The following MBTPS2 variants were observed in gnomAD, a reference collection of about 807,000 sequenced individuals.
MBTPS2 encodes the protein membrane-bound transcription factor site-2 protease.
Under a neutral mutation model 35.4 loss-of-function variants are expected in MBTPS2, and 2 were observed. The observed-to-expected ratio is 0.06, with a 90% confidence interval of 0.02 to 0.18. The LOEUF is 0.18. Ranked by LOEUF, MBTPS2 falls within the 10% of genes least tolerant of loss-of-function variation. The pLI is 1.00. For synonymous variants in MBTPS2, 125 were observed against 140.4 expected (o/e 0.89, Z 0.77); for missense variants, 244 against 386.5 (o/e 0.63, Z 3.09).
At chrX:21,878,215 T>A (rs2092955199) in intron 8 of MBTPS2, 79 bp downstream of exon 8, 1 of 658,822 alleles carries the variant, frequency 1.5e-6, no homozygotes, top group African/African-American at 2.2e-5. Context: ...ATGGAATCTA[T>A]GGAAACTTCT....
chrX:21,862,909 A>AACATAT (rs2092933713), intron 5 of MBTPS2, among the ~76,000 whole-genome samples: 5 of 54,204 alleles, frequency 9.2e-5, no homozygotes, highest in East Asian at 8.5e-4. Flanking sequence ...AACATATATA[A>AACATAT]ATATATAAAC....
intron 1 of MBTPS2, 114 bp downstream of exon 1, chrX:21,839,923 C>T: frequency 2.8e-6 from 2 of 723,917 alleles, no homozygotes; most frequent in Non-Finnish European, 4.2e-6. Context: ...CCACGTGCGA[C>T]AGTCCGCGTG....
chrX:21,850,880 C>T (rs1464183035), intron 3 of MBTPS2, among the ~76,000 whole-genome samples: 2 of 111,521 alleles, frequency 1.8e-5, no homozygotes, highest in Non-Finnish European at 3.8e-5. Context: ...ATCTCTTCCA[C>T]ACTATTTTTC....
intron 5 of MBTPS2, among the ~76,000 whole-genome samples, chrX:21,862,931 A>ATAT (rs1569325758): frequency 6.5e-4 from 9 of 13,803 alleles, no homozygotes; most frequent in Admixed American, 3.0e-3. Context: ...TATATATATA[A>ATAT]ACATATATAT....
At chrX:21,851,465 T>A in intron 3 of MBTPS2, 44 bp from the exon 4 acceptor site, 1 of 828,335 alleles carries the variant, frequency 1.2e-6, no homozygotes, top group Non-Finnish European at 1.8e-6. Flanking sequence ...GGGACTCCCC[T>A]GCACCCCCAC....
rs2092963216 is a variant in MBTPS2, at chrX:21,885,049, C to T, written c.*2394C>T. Reference sequence around the variant, plus strand: ...AAACTTTATTCTCAGTGTTCCTACTCTGCATTGTTTACATTTTTGACAGTT... The same window carrying T: ...AAACTTTATTCTCAGTGTTCCTACTTTGCATTGTTTACATTTTTGACAGTT... On this transcript the variant is annotated 3_prime_UTR_variant, in exon 11 of 11. Coordinates refer to ENST00000379484, the MANE Select transcript of MBTPS2 (RefSeq NM_015884.4). 1 of 751,146 alleles carries T rather than the reference C, an allele frequency of 1.3e-6. No homozygotes were observed. Among genetic ancestry groups the T allele is most frequent in the African/African-American group, 2.3e-5 (1 of 43,120 alleles). 61.9% of individuals were successfully genotyped at this position (751,146 alleles called of 1,213,427 possible). A position where few individuals can be genotyped will look rare whatever the true frequency, so the allele number is the denominator to read the frequency against.
intron 3 of MBTPS2, among the ~76,000 whole-genome samples, chrX:21,846,598 G>A (rs1024284824): frequency 3.6e-5 from 4 of 111,934 alleles, no homozygotes; most frequent in African/African-American, 1.3e-4. Flanking sequence ...TTGAACTTCC[G>A]ACCTCAGATG....
chrX:21,842,473 G>T (rs1383782329), intron 1 of MBTPS2, among the ~76,000 whole-genome samples: 2 of 109,217 alleles, frequency 1.8e-5, no homozygotes, highest in Non-Finnish European at 3.8e-5. Context: ...TTCTGGACCA[G>T]TGCTGTCCAA....
intron 7 of MBTPS2, among the ~76,000 whole-genome samples, chrX:21,875,428 G>T (rs1419383774): frequency 9.0e-6 from 1 of 111,485 alleles, no homozygotes; most frequent in Non-Finnish European, 1.9e-5. Context: ...TGTTTTTTCT[G>T]CATATGATCC....
At chrX:21,869,759 A>G (rs1189523639) in intron 7 of MBTPS2, 81 bp downstream of exon 7, 5 of 780,167 alleles carry the variant, frequency 6.4e-6, no homozygotes, top group Non-Finnish European at 9.9e-6. Context: ...ATGTCTATAC[A>G]TTTATTCTGT....
chrX:21,854,215 T>C (rs1662673626), intron 5 of MBTPS2, among the ~76,000 whole-genome samples: 1 of 112,123 alleles, frequency 8.9e-6, no homozygotes, highest in African/African-American at 3.2e-5. Flanking sequence ...CACTTAAGAT[T>C]ATAAATGTAA....
intron 5 of MBTPS2, among the ~76,000 whole-genome samples, chrX:21,864,237 T>C (rs2092936772): frequency 8.9e-6 from 1 of 112,286 alleles, no homozygotes; most frequent in Admixed American, 9.4e-5. Context: ...GTTTTGTTTT[T>C]TGTTTGTTTG....
chrX:21,862,931 A>ATATATATATATATATATATAT (rs1569325758), intron 5 of MBTPS2, among the ~76,000 whole-genome samples: 1 of 13,785 alleles, frequency 7.3e-5, no homozygotes, highest in Non-Finnish European at 1.8e-4. Flanking sequence ...TATATATATA[A>ATATATATATATATATATATAT]ACATATATAT....
chrX:21,873,313 T>C (rs190749847), intron 7 of MBTPS2, among the ~76,000 whole-genome samples: 2 of 112,099 alleles, frequency 1.8e-5, no homozygotes, highest in Admixed American at 1.9e-4. Context: ...TCTTCCCCCA[T>C]TCATATTGAA....
At chrX:21,851,391 T>A (rs2092914499) in intron 3 of MBTPS2, 118 bp from the exon 4 acceptor site, 1 of 547,952 alleles carries the variant, frequency 1.8e-6, no homozygotes, top group African/African-American at 2.3e-5. Context: ...TTACTTTTAG[T>A]TTGCAGAACA....
At chrX:21,846,601 C>G (rs2092908964) in intron 3 of MBTPS2, among the ~76,000 whole-genome samples, 1 of 112,095 alleles carries the variant, frequency 8.9e-6, no homozygotes, top group African/African-American at 3.2e-5. Flanking sequence ...AACTTCCGAC[C>G]TCAGATGATC....
intron 6 of MBTPS2, 133 bp from the exon 7 acceptor site, chrX:21,869,365 C>G (rs1253904556): frequency 7.3e-6 from 4 of 548,660 alleles, no homozygotes; most frequent in Non-Finnish European, 1.3e-5. Context: ...AGGACTATGT[C>G]TTGAATTCAA....
At position 21,884,761 on chromosome X, in the gene MBTPS2, C is replaced by A; in HGVS notation, c.*2106C>A. ...ATGAGACATAAGTACTTAATAAATG[C>A]AGTTGAATGGATAATGATTAGTGTT... On this transcript the variant is annotated 3_prime_UTR_variant, in exon 11 of 11. Coordinates refer to ENST00000379484, the MANE Select transcript of MBTPS2 (RefSeq NM_015884.4). 1.5e-6 allele frequency: 1 copy of A among 658,639 alleles called. No homozygotes were observed. 54.3% of individuals were successfully genotyped at this position (658,639 alleles called of 1,213,427 possible).
chrX:21,865,384 A>G (rs752470466), intron 5 of MBTPS2, among the ~76,000 whole-genome samples: 5 of 111,824 alleles, frequency 4.5e-5, no homozygotes, highest in African/African-American at 1.6e-4. Context: ...AATACCTGCT[A>G]TCTGGTTCCA....
Sources: gnomAD v4.1 joint callset for allele counts (sites outside exome capture counted in the v4.1 genomes callset) on GRCh38, gnomAD v4.1.1 for gene constraint, MANE v1.5 for transcripts, NCBI Gene and HGNC (gene_info 2026-07-23, HGNC 2026-07-21) for gene names.